The following RBM20 variants were observed in gnomAD, a reference collection of about 807,000 sequenced individuals.
RBM20 encodes RNA binding motif protein 20, also known as RNA-binding protein 20.
RBM20 carries 51 observed loss-of-function variants against 110.1 expected under a neutral mutation model. The observed-to-expected ratio is 0.46, with a 90% confidence interval of 0.37 to 0.59. RBM20 has a LOEUF of 0.59. Among genes scored for constraint, RBM20 ranks in the 20% least tolerant of loss-of-function variants. The pLI is 0.00. For missense variants in RBM20, 1,512 were observed against 1,574.9 expected (o/e 0.96, Z 0.68); for synonymous variants, 589 against 618.2 (o/e 0.95, Z 0.70).
At chr10:110,729,781 C>A (rs1176669641) in intron 1 of RBM20, among the ~76,000 whole-genome samples, 1 of 152,198 alleles carries the variant, frequency 6.6e-6, no homozygotes, top group Non-Finnish European at 1.5e-5. Flanking sequence ...CCTCTCCTGA[C>A]CCCCTCTGTC....
rs1368523521 is a variant in RBM20, at chr10:110,788,799, C to T, written c.1527+3910C>T. 3.9e-5 allele frequency among the ~76,000 whole-genome samples: 6 copies of T among 152,316 alleles called. No homozygotes were observed. The East Asian group carries it at 9.6e-4, about 24-fold the overall frequency. On this transcript the variant is annotated intron_variant, in intron 5 of 13. Transcript: ENST00000369519. Reference sequence around the variant, plus strand: ...CTTTCTGCCTACAAACACTGACCTCCAAAGATATCACCCCAAAGATAAGGG... The same window carrying T: ...CTTTCTGCCTACAAACACTGACCTCTAAAGATATCACCCCAAAGATAAGGG...
chr10:110,673,284 T>C (rs1862287853), intron 1 of RBM20, among the ~76,000 whole-genome samples: 1 of 152,142 alleles, frequency 6.6e-6, no homozygotes, highest in African/African-American at 2.4e-5. Context: ...CAATCTCAGC[T>C]CACAGCAACC....
chr10:110,709,633 C>T (rs1415817190), intron 1 of RBM20, among the ~76,000 whole-genome samples: 1 of 148,148 alleles, frequency 6.8e-6, no homozygotes, highest in South Asian at 2.1e-4. Context: ...GTGTTATGAT[C>T]GTAGCTCACT....
chr10:110,687,993 TTTTGTGTGTG>T (rs1862529482), intron 1 of RBM20, among the ~76,000 whole-genome samples: 2 of 103,524 alleles, frequency 1.9e-5, no homozygotes, highest in African/African-American at 7.3e-5. Flanking sequence ...TCCTAAATGG[TTTTGTGTGTG>T]TGTGTGTGTG....
chr10:110,798,231 A>G (rs1844576572), intron 6 of RBM20, among the ~76,000 whole-genome samples: 4 of 152,226 alleles, frequency 2.6e-5, no homozygotes. Context: ...CTTCATTTCT[A>G]AAGTCAGGTG....
intron 1 of RBM20, among the ~76,000 whole-genome samples, chr10:110,763,258 G>T (rs1451726779): frequency 6.6e-6 from 1 of 151,950 alleles, no homozygotes. Flanking sequence ...TCTGAATTCA[G>T]TCCCAGCAGG....
At chr10:110,694,898 T>C (rs906414441) in intron 1 of RBM20, among the ~76,000 whole-genome samples, 5 of 152,100 alleles carry the variant, frequency 3.3e-5, no homozygotes, top group Non-Finnish European at 7.4e-5. Flanking sequence ...TAGGAAAGAA[T>C]TGGAGTAAGT....
chr10:110,733,534 T>C (rs1185306337), intron 1 of RBM20, among the ~76,000 whole-genome samples: 1 of 152,228 alleles, frequency 6.6e-6, no homozygotes, highest in African/African-American at 2.4e-5. Context: ...ATGAATAGAA[T>C]TGCCCATGCA....
chr10:110,794,130 T>A (rs995269271), intron 5 of RBM20, among the ~76,000 whole-genome samples: 5 of 152,154 alleles, frequency 3.3e-5, no homozygotes, highest in Non-Finnish European at 7.3e-5. Context: ...TCCCTCATGA[T>A]TCAGATCTCC....
intron 1 of RBM20, among the ~76,000 whole-genome samples, chr10:110,694,920 C>G (rs891902945): frequency 4.6e-5 from 7 of 152,078 alleles, no homozygotes; most frequent in Non-Finnish European, 8.8e-5. Flanking sequence ...AGGCTAGTGG[C>G]CTCCTATAGC....
intron 1 of RBM20, among the ~76,000 whole-genome samples, chr10:110,698,665 T>C (rs796147433): frequency 3.3e-5 from 5 of 152,322 alleles, no homozygotes; most frequent in African/African-American, 1.2e-4. Context: ...TGATGGCCAT[T>C]CCTTCAGCTT....
At chr10:110,793,742 A>T (rs1319481374) in intron 5 of RBM20, among the ~76,000 whole-genome samples, 1 of 152,244 alleles carries the variant, frequency 6.6e-6, no homozygotes, top group Non-Finnish European at 1.5e-5. Context: ...TCAGGCTTTC[A>T]CCTAGGTGAT....
At chr10:110,753,042 A>T (rs1477449990) in intron 1 of RBM20, among the ~76,000 whole-genome samples, 1 of 150,126 alleles carries the variant, frequency 6.7e-6, no homozygotes, top group Non-Finnish European at 1.5e-5. Context: ...GGGTTCAAGC[A>T]ATTCTCCTGC....
rs1225927754 is a variant in RBM20, at chr10:110,821,426, A to C, written c.2807A>C (p.Asp936Ala). Residue 936 changes from aspartate to alanine, a missense_variant, in exon 11 of 14, where the codon GAC (aspartate) becomes GCC (alanine). Coordinates refer to ENST00000369519, the MANE Select transcript of RBM20 (RefSeq NM_001134363.3). ...IPELEEIVPI[D>A]QKDKICPETC... ...GAGCTGGAAGAAATTGTGCCCATTG[A>C]CCAGAAAGACAAAATTTGCCCAGAA... 1 of 1,551,638 alleles carries C rather than the reference A, an allele frequency of 6.4e-7. No homozygotes were observed. Among genetic ancestry groups the C allele is most frequent in the African/African-American group, 1.4e-5 (1 of 73,044 alleles).
chr10:110,663,174 T>A (rs1234524426), intron 1 of RBM20, among the ~76,000 whole-genome samples: 1 of 151,986 alleles, frequency 6.6e-6, no homozygotes, highest in Non-Finnish European at 1.5e-5. Flanking sequence ...CCCAGACTGG[T>A]CTCGACCTCC....
intron 7 of RBM20, among the ~76,000 whole-genome samples, chr10:110,800,850 C>T (rs575750143): frequency 1.3e-5 from 2 of 152,298 alleles, no homozygotes; most frequent in Non-Finnish European, 2.9e-5. Flanking sequence ...TGTTGTTGGG[C>T]ATGTCTATTT....
chr10:110,822,357 G>T, intron 11 of RBM20: 1 of 448,726 alleles, frequency 2.2e-6, no homozygotes, highest in Non-Finnish European at 4.4e-6. Context: ...GAGTGGAAGG[G>T]GAAGGAACAG....
intron 1 of RBM20, among the ~76,000 whole-genome samples, chr10:110,728,490 G>A (rs1245813365): frequency 6.6e-6 from 1 of 152,188 alleles, no homozygotes; most frequent in African/African-American, 2.4e-5. Context: ...TTGGTAAATT[G>A]CTGTTAGTGC....
At position 110,837,224 on chromosome 10, in the gene RBM20, A is replaced by C. The variant is rs1845143427; in HGVS notation, c.*1246A>C. 6.6e-6 allele frequency: 1 copy of C among 152,186 alleles called. No homozygotes were observed. Among genetic ancestry groups the C allele is most frequent in the Admixed American group, 6.5e-5 (1 of 15,280 alleles). 9.4% of individuals were successfully genotyped at this position (152,186 alleles called of 1,614,324 possible). A position where few individuals can be genotyped will look rare whatever the true frequency, so the allele number is the denominator to read the frequency against. ...ACTGTATGTGCAGACTTTGATACCA[A>C]AATGTTATGAAAAGTCGTGATTCCC... On this transcript the variant is annotated 3_prime_UTR_variant, in exon 14 of 14. Coordinates refer to ENST00000369519, the MANE Select transcript of RBM20 (RefSeq NM_001134363.3).
Sources: gnomAD v4.1 joint callset for allele counts (sites outside exome capture counted in the v4.1 genomes callset) on GRCh38, gnomAD v4.1.1 for gene constraint, MANE v1.5 for transcripts, NCBI Gene and HGNC (gene_info 2026-07-23, HGNC 2026-07-21) for gene names.